The following SNURF variants were observed in gnomAD, a reference collection of about 807,000 sequenced individuals.
SNURF encodes the protein SNURF protein.
Under a neutral mutation model 11.6 loss-of-function variants are expected in SNURF, and 6 were observed. The ratio of observed to expected loss-of-function variants is 0.52; its 90% CI spans 0.28 to 1.02. The LOEUF (loss-of-function observed/expected upper bound fraction) is 1.02. Ranked by LOEUF, SNURF falls within the 50% of genes least tolerant of loss-of-function variation. The probability of loss-of-function intolerance (pLI) is 0.09; values close to 1 mark genes in which losing one functional copy is unlikely to be tolerated. For missense variants in SNURF, 84 were observed against 88.4 expected (o/e 0.95, Z 0.20); for synonymous variants, 29 against 31.6 (o/e 0.92, Z 0.27).
intron 1 of SNURF, among the ~76,000 whole-genome samples, chr15:24,961,129 A>C (rs1015572231): frequency 1.3e-5 from 2 of 152,156 alleles, no homozygotes; most frequent in African/African-American, 4.8e-5. Flanking sequence ...CAGGTGTTAT[A>C]TTTAATAGAC....
At chr15:24,961,736 A>AGTAG (rs2074859499) in intron 1 of SNURF, among the ~76,000 whole-genome samples, 1 of 152,094 alleles carries the variant, frequency 6.6e-6, no homozygotes, top group African/African-American at 2.4e-5. Context: ...TTTTGAAACC[A>AGTAG]TTTTGGAAAT....
At chr15:24,966,000 A>G (rs536247700) in intron 2 of SNURF, among the ~76,000 whole-genome samples, 102 of 152,256 alleles carry the variant, frequency 6.7e-4, no homozygotes, top group African/African-American at 2.4e-3. Context: ...TTAGACTATG[A>G]ATTAGAGTAT....
At chr15:24,967,841 T>C (rs1311834225) in intron 2 of SNURF, 91 bp from the exon 3 acceptor site, 1 of 1,036,504 alleles carries the variant, frequency 9.6e-7, no homozygotes, top group Non-Finnish European at 1.5e-6. Flanking sequence ...AATATCTTCT[T>C]AAATGTAAGG....
exon 3 of SNURF, chr15:24,968,360 CT>C (rs2075956935): frequency 4.0e-6 from 1 of 252,212 alleles, no homozygotes; most frequent in Admixed American, 5.2e-5. Flanking sequence ...ATAAATGGCT[CT>C]TGAATACCCT....
chr15:24,976,031 T>A (rs2077020609), intron 4 of SNURF, among the ~76,000 whole-genome samples: 2 of 152,232 alleles, frequency 1.3e-5, no homozygotes, highest in African/African-American at 4.8e-5. Flanking sequence ...ATTTTGTTTT[T>A]CTTAAAAGGT....
intron 3 of SNURF, chr15:24,974,998 AG>A (rs2076902778): frequency 1.4e-6 from 1 of 702,776 alleles, no homozygotes; most frequent in Non-Finnish European, 2.6e-6. Context: ...TGAAAATGGA[AG>A]GGTTTTGGCA....
exon 6 of SNURF, chr15:24,976,992 C>G (rs1194692224): frequency 6.3e-7 from 1 of 1,598,748 alleles, no homozygotes; most frequent in Non-Finnish European, 8.5e-7. Flanking sequence ...GCTGGATTGG[C>G]AGGCCCTGTC....
chr15:24,970,397 G>C (rs537907126), downstream of SNURF, among the ~76,000 whole-genome samples: 20 of 152,130 alleles, frequency 1.3e-4, no homozygotes, highest in African/African-American at 4.6e-4. Context: ...CTGGCCACAT[G>C]GCGAAACCCC....
chr15:24,961,695 A>G (rs139945521), intron 1 of SNURF, among the ~76,000 whole-genome samples: 153 of 152,252 alleles, frequency 1.0e-3, no homozygotes, highest in Non-Finnish European at 1.7e-3. Flanking sequence ...ATTCCACTAT[A>G]TAAGTATGTC....
chr15:24,959,928 T>C (rs1047302793), intron 1 of SNURF, among the ~76,000 whole-genome samples: 5 of 152,118 alleles, frequency 3.3e-5, no homozygotes, highest in Non-Finnish European at 5.9e-5. Context: ...TTTTTGGAAG[T>C]ATGAGAGTAG....
At chr15:24,962,440 A>AT (rs1320838549) in intron 2 of SNURF, among the ~76,000 whole-genome samples, 1 of 152,202 alleles carries the variant, frequency 6.6e-6, no homozygotes, top group Admixed American at 6.5e-5. Context: ...GGGTAAGTGC[A>AT]TTTTATCTTT....
Position 24,955,073 on chromosome 15 carries a change from C to T in SNURF, c.14+11C>T. 2 of 1,613,480 alleles carry T rather than the reference C, an allele frequency of 1.2e-6. No homozygotes were observed. The highest frequency in any genetic ancestry group is 1.1e-5 in the South Asian group (1 of 91,004). On this transcript the variant is annotated intron_variant, in intron 1 of 2. Transcript: ENST00000577949. ...GATGGAGCGGGCAAGGTCAGCTGTG[C>T]CGGTGGCTTCTCTCAAGAGACAGCC...
At chr15:24,959,578 G>T (rs1392775402) in intron 1 of SNURF, among the ~76,000 whole-genome samples, 1 of 152,058 alleles carries the variant, frequency 6.6e-6, no homozygotes, top group Non-Finnish European at 1.5e-5. Flanking sequence ...TTGTTTTTTG[G>T]TAAGACAGTG....
intron 2 of SNURF, among the ~76,000 whole-genome samples, chr15:24,965,125 T>C (rs2075420770): frequency 6.6e-6 from 1 of 152,182 alleles, no homozygotes; most frequent in Non-Finnish European, 1.5e-5. Context: ...TTGGTATACT[T>C]AGAATGTTAT....
intron 1 of SNURF, among the ~76,000 whole-genome samples, chr15:24,956,355 G>GGGGGGA (rs2062883287): frequency 1.5e-5 from 1 of 66,050 alleles, no homozygotes; most frequent in Admixed American, 1.8e-4. Flanking sequence ...GCGCTTCAGC[G>GGGGGGA]GGGGGGTGGC....
intron 2 of SNURF, chr15:24,967,165 A>G (rs2075761909): frequency 6.6e-6 from 1 of 152,280 alleles, no homozygotes; most frequent in Non-Finnish European, 1.5e-5. Flanking sequence ...GAGTGACTAT[A>G]TATGGTACTG....
chr15:24,967,946 C>A, exon 3 of SNURF: 1 of 1,613,902 alleles, frequency 6.2e-7, no homozygotes, highest in Non-Finnish European at 8.5e-7. Context: ...CAGTTGTACC[C>A]GAGGCGTTCT....
In SNURF at chr15:24,961,549, TTTTG is replaced by T. The variant is rs374876404; in HGVS notation, c.15-549_15-546del. On this transcript the variant is annotated intron_variant, in intron 1 of 2. Transcript: ENST00000577949. ...TTCTGCAGACGTAACATGGCGGGTT[TTTTG>T]TTTGTTTGTTTGTTTTTGCTATGTG... Among the ~76,000 whole-genome samples, 10 of 152,236 alleles carry T rather than the reference TTTTG, an allele frequency of 6.6e-5. 1 individual carries two copies. The highest frequency in any genetic ancestry group is 6.8e-3 in the Middle Eastern group (2 of 294).
chr15:24,967,952 G>A lies in SNURF; in HGVS notation c.131G>A (p.Arg44His), dbSNP rs142583293. 624 of 1,613,820 alleles carry A rather than the reference G, an allele frequency of 3.9e-4. 1 individual carries two copies. Among genetic ancestry groups the A allele is most frequent in the Non-Finnish European group, 5.1e-4 (599 of 1,179,984 alleles). ...TGTAGGTGTCAGTTGTACCCGAGGC[G>A]TTCTCAGCAGCAGCAAGTACCTGTG... Residue 44 changes from arginine (R) to histidine (H), a missense_variant, in exon 3 of 3, where the codon CGT becomes CAT. By Grantham distance (29) the Arg-to-His change is conservative. Coordinates refer to ENST00000577949, the Ensembl canonical transcript of SNURF.
Sources: allele counts gnomAD v4.1 joint callset (sites outside exome capture counted in the v4.1 genomes callset), GRCh38; gene constraint gnomAD v4.1.1; transcripts MANE v1.5; gene names NCBI Gene and HGNC (gene_info 2026-07-23, HGNC 2026-07-21).